The following PRRC2B variants were observed in gnomAD, a reference collection of about 807,000 sequenced individuals.
PRRC2B encodes protein PRRC2B.
In PRRC2B, 68 loss-of-function variants were observed where a neutral mutation model predicts 242.3. The observed-to-expected ratio is 0.28, with a 90% CI of 0.23 to 0.34. PRRC2B has a LOEUF of 0.34. PRRC2B is among the 10% of genes least tolerant of loss of function. The pLI is 1.00. For synonymous variants in PRRC2B, 1,228 were observed against 1,173.6 expected (o/e 1.05, Z -0.95); for missense variants, 2,835 against 2,954.8 (o/e 0.96, Z 0.94).
At chr9:131,418,697 C>T (rs756220087) in intron 1 of PRRC2B, among the ~76,000 whole-genome samples, 9 of 152,218 alleles carry the variant, frequency 5.9e-5, no homozygotes, top group South Asian at 2.1e-4. Context: ...CTGGCTGGGA[C>T]GTGGCCTTCC....
At position 131,451,258 on chromosome 9, in the gene PRRC2B, G is replaced by A. The variant is rs566036817; in HGVS notation, c.1120+3454G>A. On this transcript the variant is annotated intron_variant, in intron 9 of 31. Coordinates refer to ENST00000683519, the MANE Select transcript of PRRC2B (RefSeq NM_013318.4). ...GCTAAAAATACAAAAAATTAGCCGGGCGTGTTGGCACGCGCCTGTAGTCCC... is the reference window on the plus strand; with the variant it reads ...GCTAAAAATACAAAAAATTAGCCGGACGTGTTGGCACGCGCCTGTAGTCCC... Among the ~76,000 whole-genome samples, 7 of 152,258 alleles carry A rather than the reference G, an allele frequency of 4.6e-5. No homozygotes were observed. In the East Asian group the frequency reaches 1.4e-3, roughly 29 times the overall value.
chr9:131,374,700 T>C (rs1480737626), intron 1 of PRRC2B, among the ~76,000 whole-genome samples: 2 of 152,134 alleles, frequency 1.3e-5, no homozygotes, highest in African/African-American at 4.8e-5. Context: ...CTAATTTTTG[T>C]ATTTTTAGTA....
chr9:131,466,807 C>T (rs1239594436), intron 12 of PRRC2B, among the ~76,000 whole-genome samples: 10 of 143,736 alleles, frequency 7.0e-5, no homozygotes, highest in African/African-American at 2.5e-4. Flanking sequence ...TTCTTTTTTT[C>T]TTTTTTTTTT....
intron 23 of PRRC2B, 106 bp from the exon 24 acceptor site, chr9:131,484,580 A>G: frequency 1.2e-6 from 1 of 855,866 alleles, no homozygotes. Context: ...AGTCATAGAT[A>G]CATTTGGACG....
chr9:131,494,382 A>ACC lies in PRRC2B; in HGVS notation c.6474-20_6474-19dup. 7.1e-7 allele frequency: 1 copy of ACC among 1,405,612 alleles called. No individual in the cohort carries two copies. 87.1% of individuals were successfully genotyped at this position (1,405,612 alleles called of 1,614,324 possible). ...TGTGGTGACACGTTGTGTATTCTCA[A>ACC]CCCCTGCCTTTGGTTTTTTCAGGCC... On this transcript the variant is annotated intron_variant, in intron 30 of 31. Coordinates refer to ENST00000683519, the MANE Select transcript of PRRC2B (RefSeq NM_013318.4). This position sits in a 1 kb window ranked among gnomAD's most constrained non-coding sequence, Gnocchi z 4.3.
At chr9:131,421,216 T>G (rs2966350) in intron 1 of PRRC2B, among the ~76,000 whole-genome samples, 120,901 of 152,104 alleles carry the variant, frequency 0.79, 49,120 homozygotes, top group East Asian at 1. Flanking sequence ...TGGAGTCTCC[T>G]GTCTCCATGT....
chr9:131,447,996 C>T, intron 9 of PRRC2B, 192 bp downstream of exon 9: 1 of 463,224 alleles, frequency 2.2e-6, no homozygotes. Flanking sequence ...CCTGGCCAAG[C>T]CATTAGCTTC....
intron 1 of PRRC2B, among the ~76,000 whole-genome samples, chr9:131,423,618 G>A (rs1384059475): frequency 6.6e-6 from 1 of 152,234 alleles, no homozygotes; most frequent in African/African-American, 2.4e-5. Context: ...CCTGACTGCC[G>A]TAAAGCAGGT....
chr9:131,465,916 G>C (rs1258766604), intron 12 of PRRC2B, among the ~76,000 whole-genome samples: 1 of 152,132 alleles, frequency 6.6e-6, no homozygotes, highest in Non-Finnish European at 1.5e-5. Context: ...GTAGAGACAG[G>C]GTTTCGCCAT....
intron 1 of PRRC2B, among the ~76,000 whole-genome samples, chr9:131,424,233 C>T (rs190494915): frequency 5.9e-5 from 9 of 152,274 alleles, no homozygotes; most frequent in African/African-American, 1.4e-4. Flanking sequence ...TGAGCCCCGG[C>T]GCCTGGGTAG....
chr9:131,487,443 C>A lies in PRRC2B; in HGVS notation c.5984+149C>A. On this transcript the variant is annotated intron_variant, in intron 27 of 31. Coordinates refer to ENST00000683519, the MANE Select transcript of PRRC2B (RefSeq NM_013318.4). The surrounding 1 kb of genome is among the most constrained non-coding windows in gnomAD (Gnocchi z 5.3). The stretch of plus-strand genomic sequence containing the variant: ...TGGGAGTTTGCTCTGAATCACTCTT[C>A]AGTCCGTTGTTAACTGTGCTCTAGG... 1 of 820,028 alleles carries A rather than the reference C, an allele frequency of 1.2e-6. No homozygotes were observed. The highest frequency in any genetic ancestry group is 1.9e-6 in the Non-Finnish European group (1 of 537,570). 50.8% of individuals were successfully genotyped at this position (820,028 alleles called of 1,614,324 possible).
chr9:131,406,579 C>T (rs764775227), intron 1 of PRRC2B, among the ~76,000 whole-genome samples: 27 of 152,150 alleles, frequency 1.8e-4, no homozygotes, highest in Non-Finnish European at 3.8e-4. Flanking sequence ...TTGAACAAAT[C>T]ATGTCTTTTG....
In PRRC2B at chr9:131,402,128, G is replaced by A. The variant is rs553126088; in HGVS notation, c.-52+7865G>A. 3.9e-5 allele frequency among the ~76,000 whole-genome samples: 6 copies of A among 152,096 alleles called. No homozygotes were observed. The South Asian group carries it at 1.0e-3, about 26-fold the overall frequency. On this transcript the variant is annotated intron_variant, in intron 1 of 31. Coordinates refer to ENST00000683519, the MANE Select transcript of PRRC2B (RefSeq NM_013318.4). ...GGGATTACAGGTCTGGCTAATTTTTGTATTTTTAGGAGAAACGGAGTTTCG... is the reference window on the plus strand; with the variant it reads ...GGGATTACAGGTCTGGCTAATTTTTATATTTTTAGGAGAAACGGAGTTTCG...
In PRRC2B at chr9:131,446,606, C is replaced by T; in HGVS notation, c.819C>T (p.Tyr273=). ...KGASQFMGNV[Y]HPPTYHDMLP... ...CTTCACAGTTCATGGGAAATGTATA[C>T]CACCCACCTACATACCATGACATGC... Residue 273 remains tyrosine (Y), a synonymous_variant, in exon 7 of 32, where the codon TAC becomes TAT. Coordinates refer to ENST00000683519, the MANE Select transcript of PRRC2B (RefSeq NM_013318.4). This position sits in a 1 kb window ranked among gnomAD's most constrained non-coding sequence, Gnocchi z 4.1. The T allele has an allele frequency of 6.2e-7, 1 of 1,613,916 alleles. No individual in the cohort carries two copies. Among genetic ancestry groups the T allele is most frequent in the Non-Finnish European group, 8.5e-7 (1 of 1,179,836 alleles).
chr9:131,487,960 C>T lies in PRRC2B; in HGVS notation c.6089C>T (p.Pro2030Leu), dbSNP rs1276473211. 1.2e-6 allele frequency: 2 copies of T among 1,613,154 alleles called. No homozygotes were observed. Among genetic ancestry groups the T allele is most frequent in the Non-Finnish European group, 1.7e-6 (2 of 1,179,514 alleles). The change falls in exon 28 of 32, where the codon CCC becomes CTC. Residue 2030 changes from proline to leucine, a missense_variant. By Grantham distance (98) the Pro-to-Leu change is moderately conservative. Transcript: ENST00000683519. The surrounding 1 kb of genome is among the most constrained non-coding windows in gnomAD (Gnocchi z 5.3). ...TACTCGGCGTTCCCAGGCATGCAGC[C>T]CTTGGAGATGGTGAAGCCGCAGTCT... Reference protein sequence around the residue: ...PPYSAFPGMQPLEMVKPQSGS... With the variant: ...PPYSAFPGMQLLEMVKPQSGS...
intron 28 of PRRC2B, among the ~76,000 whole-genome samples, chr9:131,489,574 C>T (rs763425888): frequency 5.3e-5 from 8 of 152,058 alleles, no homozygotes; most frequent in Middle Eastern, 3.2e-3. Flanking sequence ...TGCATTTCAT[C>T]CAAGCTGTGG....
At chr9:131,418,444 G>T (rs936494024) in intron 1 of PRRC2B, among the ~76,000 whole-genome samples, 7 of 152,066 alleles carry the variant, frequency 4.6e-5, no homozygotes, top group African/African-American at 9.7e-5. Context: ...ACCAATCTTG[G>T]TTTTTTTTAC....
At chr9:131,478,642 G>GGGAGGGGGGGGGGC in intron 18 of PRRC2B, 23 bp downstream of exon 18, 3 of 482,036 alleles carry the variant, frequency 6.2e-6, no homozygotes, top group Non-Finnish European at 1.3e-5. Context: ...GGGTGGGGGG[G>GGGAGGGGGGGGGGC]CATGGGGCTG....
At chr9:131,456,438 T>C (rs1943079764) in intron 10 of PRRC2B, among the ~76,000 whole-genome samples, 1 of 152,024 alleles carries the variant, frequency 6.6e-6, no homozygotes. Context: ...GAGACCATCC[T>C]GGCTAACACA....
Sources: gnomAD v4.1 joint callset for allele counts (sites outside exome capture counted in the v4.1 genomes callset) on GRCh38, gnomAD v4.1.1 for gene constraint, Gnocchi (gnomAD v3.1) non-coding constraint, MANE v1.5 for transcripts, NCBI Gene and HGNC (gene_info 2026-07-23, HGNC 2026-07-21) for gene names.